NIPSNAP3A: variants seen among roughly 807,000 people sequenced by gnomAD.
NIPSNAP3A encodes the protein protein NipSnap homolog 3A.
NIPSNAP3A carries 27 observed loss-of-function variants against 32.3 expected under a neutral mutation model. The observed-to-expected ratio is 0.84, with a 90% CI of 0.62 to 1.15. The LOEUF (loss-of-function observed/expected upper bound fraction) is 1.15, where lower values mean the gene tolerates loss of function less well. Ranked by LOEUF, NIPSNAP3A falls within the 50% of genes most tolerant of loss-of-function variation. The pLI is 0.00. For missense variants in NIPSNAP3A, 278 were observed against 297.2 expected, an observed-to-expected ratio of 0.94 and a Z score of 0.48; for synonymous variants, 108 against 107.3, an observed-to-expected ratio of 1.01 and a Z score of -0.04.
At chr9:104,748,756 G>T (rs1253941906) in intron 1 of NIPSNAP3A, among the ~76,000 whole-genome samples, 1 of 152,140 alleles carries the variant, frequency 6.6e-6, no homozygotes, top group Non-Finnish European at 1.5e-5. Context: ...TGATTCTCCA[G>T]TGGGGCAGGG....
intron 4 of NIPSNAP3A, among the ~76,000 whole-genome samples, chr9:104,757,569 T>C (rs1201187523): frequency 6.6e-6 from 1 of 152,216 alleles, no homozygotes; most frequent in Non-Finnish European, 1.5e-5. Context: ...TATAAACACA[T>C]AGTTGTGCTC....
At chr9:104,748,000 C>G in intron 1 of NIPSNAP3A, 148 bp downstream of exon 1, 4 of 757,862 alleles carry the variant, frequency 5.3e-6, no homozygotes, top group Non-Finnish European at 8.3e-6. Flanking sequence ...AGCGTGAGCC[C>G]CGGAACCCCA....
rs139310572 is a variant in NIPSNAP3A, at chr9:104,750,975, C to G, written c.80C>G (p.Thr27Arg). Residue 27 changes from threonine (T) to arginine (R), a missense_variant, in exon 2 of 6, where the codon ACG becomes AGG. Thr to Arg is a moderately conservative substitution (Grantham distance 71). Coordinates refer to ENST00000374767, the MANE Select transcript of NIPSNAP3A (RefSeq NM_015469.3). ...CTTCAGATGTGCTCATCTTTTGCTA[C>G]GGGACCCAGACAATACGATGGAATA... ...LAPQMCSSFA[T>R]GPRQYDGIFY... The G allele has an allele frequency of 1.2e-6, 2 of 1,612,964 alleles. No individual in the cohort carries two copies. The highest frequency in any genetic ancestry group is 8.5e-7 in the Non-Finnish European group (1 of 1,179,084).
At chr9:104,752,114 T>C (rs190401180) in intron 2 of NIPSNAP3A, among the ~76,000 whole-genome samples, 2 of 152,262 alleles carry the variant, frequency 1.3e-5, no homozygotes, top group Admixed American at 1.3e-4. Context: ...CTTATCCCAA[T>C]GTAAACCATA....
In NIPSNAP3A at chr9:104,759,759, T is replaced by C. The variant is rs549822735; in HGVS notation, c.*421T>C. 6.3e-6 allele frequency: 1 copy of C among 159,356 alleles called. No individual in the cohort carries two copies. Among genetic ancestry groups the C allele is most frequent in the East Asian group, 1.8e-4 (1 of 5,466 alleles). 9.9% of individuals were successfully genotyped at this position (159,356 alleles called of 1,614,324 possible). On this transcript the variant is annotated 3_prime_UTR_variant, in exon 6 of 6. Coordinates refer to ENST00000374767, the MANE Select transcript of NIPSNAP3A (RefSeq NM_015469.3). Reference sequence around the variant, plus strand: ...TCCATCATGTCTGTTTTCCTGGTTTTTTTTGGTTGTTTTTTGACCAGTAAA... The same window carrying C: ...TCCATCATGTCTGTTTTCCTGGTTTCTTTTGGTTGTTTTTTGACCAGTAAA...
At chr9:104,750,716 A>G (rs1157726905) in intron 1 of NIPSNAP3A, among the ~76,000 whole-genome samples, 4 of 152,208 alleles carry the variant, frequency 2.6e-5, no homozygotes, top group Non-Finnish European at 2.9e-5. Flanking sequence ...TTCATTTTCA[A>G]TAGATCTCTG....
chr9:104,756,695 G>A (rs1459373633), intron 4 of NIPSNAP3A, among the ~76,000 whole-genome samples: 1 of 151,892 alleles, frequency 6.6e-6, no homozygotes, highest in Non-Finnish European at 1.5e-5. Context: ...TAGAAAATAT[G>A]CCTGGGTGTG....
At chr9:104,750,802 C>T (rs553951219) in intron 1 of NIPSNAP3A, among the ~76,000 whole-genome samples, 154 bp from the exon 2 acceptor site, 9 of 152,234 alleles carry the variant, frequency 5.9e-5, no homozygotes, top group African/African-American at 2.2e-4. Flanking sequence ...ACCTGGACAC[C>T]CTCCATCAGT....
intron 4 of NIPSNAP3A, among the ~76,000 whole-genome samples, chr9:104,755,399 G>T (rs10820722): frequency 0.68 from 103,486 of 151,734 alleles, 36,371 homozygotes; most frequent in African/African-American, 0.85. Flanking sequence ...GTATAAATAT[G>T]AAAACCCCCC....
chr9:104,747,981 T>G (rs543112225), intron 1 of NIPSNAP3A, 129 bp downstream of exon 1: 17 of 816,068 alleles, frequency 2.1e-5, no homozygotes, highest in Admixed American at 3.0e-5. Context: ...GGGGCCCCGG[T>G]GAGGTTCTAG....
rs150727892 is a variant in NIPSNAP3A at position 104,754,768 on chromosome 9, G to T, written c.580+68G>T. The T allele has an allele frequency of 8.6e-4, 1,099 of 1,274,492 alleles. 5 individuals are homozygous for T. The African/African-American group carries it at 0.015, about 17-fold the overall frequency. The allele number at this position is 1,274,492 out of a possible 1,614,324, so 78.9% of individuals were successfully genotyped here. ...TTGTGACCTAAGTTCCTTGGGTCAGGTTCTTTCTCATTATAGAGTATGTTT... is the reference window on the plus strand; with the variant it reads ...TTGTGACCTAAGTTCCTTGGGTCAGTTTCTTTCTCATTATAGAGTATGTTT... On this transcript the variant is annotated intron_variant, in intron 4 of 5. Transcript: ENST00000374767.
intron 4 of NIPSNAP3A, among the ~76,000 whole-genome samples, chr9:104,757,974 A>G (rs934961075): frequency 2.0e-4 from 30 of 152,080 alleles, no homozygotes; most frequent in African/African-American, 7.2e-4. Context: ...TAAAAGAGAT[A>G]CACCAAAAAT....
intron 4 of NIPSNAP3A, among the ~76,000 whole-genome samples, chr9:104,758,747 G>A (rs554134189): frequency 6.6e-6 from 1 of 151,292 alleles, no homozygotes; most frequent in East Asian, 1.9e-4. Flanking sequence ...ATCACCTGAG[G>A]TCAGGAGTTC....
intron 1 of NIPSNAP3A, among the ~76,000 whole-genome samples, chr9:104,748,172 C>T (rs563280563): frequency 6.6e-6 from 1 of 152,180 alleles, no homozygotes; most frequent in Non-Finnish European, 1.5e-5. Flanking sequence ...TTTTTGCTGC[C>T]CAGCTATGTC....
intron 1 of NIPSNAP3A, among the ~76,000 whole-genome samples, chr9:104,750,116 AT>A (rs1056238149): frequency 1.3e-5 from 2 of 152,088 alleles, no homozygotes; most frequent in South Asian, 2.1e-4. Context: ...TCTAGTAAAC[AT>A]TTTTTTCATT....
chr9:104,751,715 T>C (rs1827850905), intron 2 of NIPSNAP3A, among the ~76,000 whole-genome samples: 1 of 152,216 alleles, frequency 6.6e-6, no homozygotes, highest in Non-Finnish European at 1.5e-5. Flanking sequence ...AATTCTGTTA[T>C]GTTTAGAGAC....
At chr9:104,751,409 A>G (rs543877426) in intron 2 of NIPSNAP3A, among the ~76,000 whole-genome samples, 129 of 152,338 alleles carry the variant, frequency 8.5e-4, no homozygotes, top group African/African-American at 3.0e-3. Flanking sequence ...ATTGGAAGAC[A>G]TGGCATCTCA....
rs770185617 is a variant in NIPSNAP3A at position 104,750,992 on chromosome 9, G to T, written c.97G>T (p.Asp33Tyr). The change falls in exon 2 of 6, where the codon GAT (aspartate) becomes TAT (tyrosine). Residue 33 changes from aspartate (D) to tyrosine (Y), a missense_variant. Asp to Tyr is a radical substitution (Grantham distance 160). Transcript: ENST00000374767. The part of the protein sequence containing the change: ...SSFATGPRQY[D>Y]GIFYEFRSYY... ...TTTTGCTACGGGACCCAGACAATAC[G>T]ATGGAATATTCTATGAATTTCGTTC... The T allele has an allele frequency of 1.9e-6, 3 of 1,613,698 alleles. No individual in the cohort carries two copies. Among genetic ancestry groups the T allele is most frequent in the African/African-American group, 2.7e-5 (2 of 74,884 alleles).
rs770434729 is a variant in NIPSNAP3A at position 104,750,996 on chromosome 9, G to A, written c.101G>A (p.Gly34Glu). Residue 34 changes from glycine to glutamate, a missense_variant, in exon 2 of 6, where the codon GGA becomes GAA. Coordinates refer to ENST00000374767, the MANE Select transcript of NIPSNAP3A (RefSeq NM_015469.3). ...SFATGPRQYD[G>E]IFYEFRSYYL... ...GCTACGGGACCCAGACAATACGATGGAATATTCTATGAATTTCGTTCTTAT... is the reference window on the plus strand; with the variant it reads ...GCTACGGGACCCAGACAATACGATGAAATATTCTATGAATTTCGTTCTTAT... The A allele has an allele frequency of 1.2e-6, 2 of 1,613,910 alleles. No homozygotes were observed. The highest frequency in any genetic ancestry group is 3.3e-5 in the Admixed American group (2 of 60,014).
Sources: allele counts gnomAD v4.1 joint callset (sites outside exome capture counted in the v4.1 genomes callset), GRCh38; gene constraint gnomAD v4.1.1; transcripts MANE v1.5; gene names NCBI Gene and HGNC (gene_info 2026-07-23, HGNC 2026-07-21).